MIGA1: variants seen among roughly 807,000 people sequenced by gnomAD.
MIGA1 encodes the protein family with sequence similarity 73, member A.
MIGA1 carries 58 observed loss-of-function variants against 82.0 expected under a neutral mutation model. The ratio of observed to expected loss-of-function variants is 0.71; its 90% CI spans 0.57 to 0.88. The LOEUF is 0.88. MIGA1 is among the 40% of genes least tolerant of loss of function. The pLI is 0.00. For synonymous variants in MIGA1, 249 were observed against 253.6 expected (o/e 0.98, Z 0.17); for missense variants, 751 against 749.1 (o/e 1.00, Z -0.03).
At position 77,875,217 on chromosome 1, in the gene MIGA1, T is replaced by C. The variant is rs547601409; in HGVS notation, c.*153T>C. On this transcript the variant is annotated 3_prime_UTR_variant, in exon 16 of 16. Transcript: ENST00000370791. ...TAAAAAATGAGCAACTGTACTGTAT[T>C]TATACAGAAGTTCTGTCATTGAATT... The C allele has an allele frequency of 1.6e-6, 1 of 629,742 alleles. No individual in the cohort carries two copies. Among genetic ancestry groups the C allele is most frequent in the South Asian group, 2.1e-5 (1 of 46,788 alleles). The allele number at this position is 629,742 out of a possible 1,614,324, so 39.0% of individuals were successfully genotyped here. A position where few individuals can be genotyped will look rare whatever the true frequency, so the allele number is the denominator to read the frequency against.
intron 8 of MIGA1, among the ~76,000 whole-genome samples, chr1:77,856,427 T>A (rs1455521184): frequency 2.0e-5 from 3 of 152,150 alleles, no homozygotes; most frequent in African/African-American, 7.2e-5. Flanking sequence ...TTCTATCTTG[T>A]GGAATAGTGT....
intron 8 of MIGA1, among the ~76,000 whole-genome samples, chr1:77,849,439 A>C (rs1275747269): frequency 6.6e-6 from 1 of 152,118 alleles, no homozygotes; most frequent in Admixed American, 6.6e-5. Context: ...TCTTCTAATA[A>C]TGTTGGTTTT....
At chr1:77,797,474 T>C (rs989659637) in intron 2 of MIGA1, among the ~76,000 whole-genome samples, 2 of 152,220 alleles carry the variant, frequency 1.3e-5, no homozygotes, top group Admixed American at 6.5e-5. Context: ...TTCCTCTAGT[T>C]CTTTTGCCTT....
intron 8 of MIGA1, chr1:77,854,040 C>CT (rs1685156073): frequency 6.5e-6 from 1 of 152,876 alleles, no homozygotes; most frequent in African/African-American, 2.4e-5. Flanking sequence ...CCTCACCCCC[C>CT]TCCTACTCTT....
At chr1:77,856,736 T>C (rs997358820) in intron 8 of MIGA1, among the ~76,000 whole-genome samples, 7 of 152,226 alleles carry the variant, frequency 4.6e-5, no homozygotes, top group African/African-American at 1.7e-4. Flanking sequence ...CTGTTTCTTT[T>C]CTTAGTGAGG....
chr1:77,801,559 G>A, intron 3 of MIGA1, 51 bp downstream of exon 3: 1 of 1,460,602 alleles, frequency 6.8e-7, no homozygotes. Flanking sequence ...AATCATAACT[G>A]GAATACAGTG....
In MIGA1 at chr1:77,782,982, C is replaced by T. The variant is rs1397034702; in HGVS notation, c.82-256C>T. On this transcript the variant is annotated intron_variant, in intron 1 of 15. Coordinates refer to ENST00000370791, the MANE Select transcript of MIGA1 (RefSeq NM_198549.4). ...AATTTCCTAAGGAAAATTTGCTACC[C>T]GGACTCAAAGTTTAAATCTAGCTTT... 9 of 589,714 alleles carry T rather than the reference C, an allele frequency of 1.5e-5. No individual in the cohort carries two copies. In the East Asian group the frequency reaches 8.5e-4, roughly 56 times the overall value. 36.5% of individuals were successfully genotyped at this position (589,714 alleles called of 1,614,324 possible).
chr1:77,794,811 G>GCA (rs1043206071), intron 2 of MIGA1, among the ~76,000 whole-genome samples: 46 of 151,910 alleles, frequency 3.0e-4, no homozygotes, highest in African/African-American at 1.0e-3. Flanking sequence ...TTGAAAAAAG[G>GCA]CACACACACA....
intron 2 of MIGA1, among the ~76,000 whole-genome samples, chr1:77,799,327 A>G (rs1682782073): frequency 6.6e-6 from 1 of 152,198 alleles, no homozygotes; most frequent in Non-Finnish European, 1.5e-5. Flanking sequence ...TTTGTGTTAC[A>G]TGATTTTGCC....
At chr1:77,800,380 T>G (rs528988220) in intron 2 of MIGA1, among the ~76,000 whole-genome samples, 1 of 152,362 alleles carries the variant, frequency 6.6e-6, no homozygotes, top group East Asian at 1.9e-4. Flanking sequence ...AATGCTAATG[T>G]CTTACCTCTC....
At chr1:77,835,447 CA>C (rs1469116128) in intron 7 of MIGA1, among the ~76,000 whole-genome samples, 4 of 151,118 alleles carry the variant, frequency 2.6e-5, no homozygotes, top group African/African-American at 9.7e-5. Flanking sequence ...AAAATGTTAC[CA>C]AAAATAAAAA....
rs1268484461 is a variant in MIGA1, at chr1:77,875,040, G to C, written c.1875G>C (p.Gly625=). Residue 625 remains glycine, a synonymous_variant, in exon 16 of 16, where the codon GGG becomes GGC. Coordinates refer to ENST00000370791, the MANE Select transcript of MIGA1 (RefSeq NM_198549.4). ...GTCATGGTCATGTTATGTCCACTGGGCTACTGGAAGCCAAAGTACAATAAG... is the reference window on the plus strand; with the variant it reads ...GTCATGGTCATGTTATGTCCACTGGCCTACTGGAAGCCAAAGTACAATAAG... The C allele has an allele frequency of 8.1e-6, 13 of 1,613,718 alleles. No homozygotes were observed. The highest frequency in any genetic ancestry group is 1.0e-5 in the Non-Finnish European group (12 of 1,179,766).
At chr1:77,851,683 A>G (rs964536376) in intron 8 of MIGA1, among the ~76,000 whole-genome samples, 2 of 152,182 alleles carry the variant, frequency 1.3e-5, no homozygotes, top group African/African-American at 2.4e-5. Flanking sequence ...TCAACATGAT[A>G]TATTCTCACA....
intron 14 of MIGA1, among the ~76,000 whole-genome samples, chr1:77,867,446 C>T (rs528845023): frequency 1.3e-5 from 2 of 152,296 alleles, no homozygotes; most frequent in African/African-American, 4.8e-5. Context: ...TCTGCCTCAT[C>T]CTCCCTGAGT....
intron 2 of MIGA1, among the ~76,000 whole-genome samples, chr1:77,785,977 G>T (rs1163181723): frequency 6.6e-6 from 1 of 152,230 alleles, no homozygotes. Context: ...CCTAGCAGAG[G>T]TTCTCCATGA....
At chr1:77,801,605 A>G (rs1682887969) in intron 3 of MIGA1, 97 bp downstream of exon 3, 2 of 1,025,592 alleles carry the variant, frequency 2.0e-6, no homozygotes, top group Non-Finnish European at 2.7e-6. Context: ...TTTCTTCCTA[A>G]TATATTATTT....
chr1:77,849,361 C>T (rs1293060968), intron 8 of MIGA1, among the ~76,000 whole-genome samples: 1 of 152,164 alleles, frequency 6.6e-6, no homozygotes, highest in African/African-American at 2.4e-5. Context: ...CATACCACTG[C>T]ACTCCAACCT....
chr1:77,790,472 T>C (rs886273160), intron 2 of MIGA1, among the ~76,000 whole-genome samples: 4 of 152,136 alleles, frequency 2.6e-5, no homozygotes, highest in Admixed American at 2.0e-4. Context: ...TTCACCATGT[T>C]AGCCAGGATG....
chr1:77,847,758 AT>A, intron 8 of MIGA1: 1 of 1,590,558 alleles, frequency 6.3e-7, no homozygotes, highest in South Asian at 1.1e-5. Context: ...CAGATCTGGT[AT>A]AAAGGAAGAG....
Sources: allele counts gnomAD v4.1 joint callset (sites outside exome capture counted in the v4.1 genomes callset), GRCh38; gene constraint gnomAD v4.1.1; transcripts MANE v1.5; gene names NCBI Gene and HGNC (gene_info 2026-07-23, HGNC 2026-07-21).